Variants in VWC2 observed in about 807,000 individuals in gnomAD.
VWC2 encodes von Willebrand factor C domain containing 2, also known as brorin.
Under a neutral mutation model 29.8 loss-of-function variants are expected in VWC2, and 14 were observed. The ratio of observed to expected loss-of-function variants is 0.47; its 90% confidence interval spans 0.31 to 0.74. The LOEUF (loss-of-function observed/expected upper bound fraction) is 0.74. Among genes scored for constraint, VWC2 ranks in the 30% least tolerant of loss-of-function variants. VWC2 has a pLI of 0.05. For missense variants in VWC2, 457 were observed against 459.8 expected (o/e 0.99, Z 0.05); for synonymous variants, 213 against 199.0 (o/e 1.07, Z -0.59).
At chr7:49,910,127 A>G (rs1456193463) in intron 3 of VWC2, among the ~76,000 whole-genome samples, 1 of 152,058 alleles carries the variant, frequency 6.6e-6, no homozygotes, top group East Asian at 1.9e-4. Flanking sequence ...CAAAACAAAC[A>G]AAAAAGAAAA....
chr7:49,842,908 T>G (rs990439764), intron 3 of VWC2, among the ~76,000 whole-genome samples: 1 of 152,236 alleles, frequency 6.6e-6, no homozygotes, highest in Non-Finnish European at 1.5e-5. Context: ...TTCCAACTTT[T>G]ATTTTTAGAT....
At chr7:49,908,641 G>A (rs572183713) in intron 3 of VWC2, among the ~76,000 whole-genome samples, 5 of 151,740 alleles carry the variant, frequency 3.3e-5, no homozygotes, top group Non-Finnish European at 5.9e-5. Context: ...TATACTACAC[G>A]TGATAGCCAG....
chr7:49,845,340 C>T (rs1583667185), intron 3 of VWC2, among the ~76,000 whole-genome samples: 1 of 152,256 alleles, frequency 6.6e-6, no homozygotes, highest in East Asian at 1.9e-4. Flanking sequence ...CTCTAGGACT[C>T]TATCCATCTG....
chr7:49,827,223 T>A (rs113277888), intron 3 of VWC2, among the ~76,000 whole-genome samples: 4 of 152,088 alleles, frequency 2.6e-5, no homozygotes, highest in Non-Finnish European at 5.9e-5. Context: ...TAAGTACTTT[T>A]CTGTATTCTC....
chr7:49,782,949 C>G (rs995715102), intron 2 of VWC2, among the ~76,000 whole-genome samples: 1 of 152,114 alleles, frequency 6.6e-6, no homozygotes, highest in African/African-American at 2.4e-5. Flanking sequence ...GCAATTTGAA[C>G]CTGTAAAGCT....
rs556244380 is a variant in VWC2 at position 49,786,183 on chromosome 7, G to A, written c.696+10052G>A. ...CAGTGTCTATTGTTCCCATCTTTGTGTACATAAGTGCCCAATGTTTAGCTT... is the reference window on the plus strand; with the variant it reads ...CAGTGTCTATTGTTCCCATCTTTGTATACATAAGTGCCCAATGTTTAGCTT... On this transcript the variant is annotated intron_variant, in intron 2 of 3. Transcript: ENST00000340652. Among the ~76,000 whole-genome samples the A allele has an allele frequency of 4.6e-5, 7 of 152,216 alleles. No homozygotes were observed. In the East Asian group the frequency reaches 1.2e-3, roughly 25 times the overall value.
At chr7:49,858,463 C>A (rs1790513847) in intron 3 of VWC2, among the ~76,000 whole-genome samples, 1 of 151,044 alleles carries the variant, frequency 6.6e-6, no homozygotes, top group Non-Finnish European at 1.5e-5. Context: ...GGACAAAAAA[C>A]CAAACACCGC....
At chr7:49,888,294 A>C (rs139268980) in intron 3 of VWC2, among the ~76,000 whole-genome samples, 168 of 152,318 alleles carry the variant, frequency 1.1e-3, no homozygotes, top group African/African-American at 3.9e-3. Flanking sequence ...ATTTGTTCAC[A>C]GTAACTTGGT....
intron 3 of VWC2, among the ~76,000 whole-genome samples, chr7:49,806,868 T>A (rs691871): frequency 6.6e-6 from 1 of 151,934 alleles, no homozygotes; most frequent in African/African-American, 2.4e-5. Context: ...TTATGAAAAT[T>A]CTCTGTGATT....
At chr7:49,787,849 C>A (rs1335809374) in intron 2 of VWC2, among the ~76,000 whole-genome samples, 1 of 152,124 alleles carries the variant, frequency 6.6e-6, no homozygotes, top group Non-Finnish European at 1.5e-5. Flanking sequence ...GGCTCCCAGT[C>A]CTCTCCAGGA....
At chr7:49,801,586 A>C (rs1236816841) in intron 2 of VWC2, among the ~76,000 whole-genome samples, 1 of 152,216 alleles carries the variant, frequency 6.6e-6, no homozygotes, top group Non-Finnish European at 1.5e-5. Flanking sequence ...TCAAGAAGGC[A>C]GAGTATGAGC....
intron 3 of VWC2, among the ~76,000 whole-genome samples, chr7:49,856,969 C>T (rs998426745): frequency 1.7e-5 from 2 of 121,126 alleles, no homozygotes; most frequent in Admixed American, 1.1e-4. Flanking sequence ...GAGATCGGGC[C>T]ACTGCACTCC....
chr7:49,822,708 G>A (rs796644172), intron 3 of VWC2, among the ~76,000 whole-genome samples: 6 of 152,262 alleles, frequency 3.9e-5, no homozygotes, highest in African/African-American at 1.2e-4. Context: ...CAAAGTGCTC[G>A]GATTATCACT....
At chr7:49,879,180 CTATAGTT>C (rs1307962722) in intron 3 of VWC2, among the ~76,000 whole-genome samples, 1 of 152,090 alleles carries the variant, frequency 6.6e-6, no homozygotes, top group South Asian at 2.1e-4. Flanking sequence ...ACTTGATTCT[CTATAGTT>C]TTCAGTTCTC....
At position 49,920,002 on chromosome 7, in the gene VWC2, A is replaced by G. The variant is rs1204909387; in HGVS notation, c.*7817A>G. The G allele has an allele frequency of 6.6e-6, 1 of 152,236 alleles. No homozygotes were observed. The highest frequency in any genetic ancestry group is 1.5e-5 in the Non-Finnish European group (1 of 68,042). The allele number at this position is 152,236 out of a possible 1,614,324, so 9.4% of individuals were successfully genotyped here. ...AAAATTGTGCCTTCTATTGAAGCCA[A>G]GAAAGTAAATGTCTTTAAAATAAAC... On this transcript the variant is annotated 3_prime_UTR_variant, in exon 4 of 4. Coordinates refer to ENST00000340652, the MANE Select transcript of VWC2 (RefSeq NM_198570.5).
In VWC2 at chr7:49,916,117, T is replaced by A. The variant is rs1029581228; in HGVS notation, c.*3932T>A. The A allele has an allele frequency of 6.6e-6, 1 of 152,234 alleles. No homozygotes were observed. The highest frequency in any genetic ancestry group is 2.4e-5 in the African/African-American group (1 of 41,460). 9.4% of individuals were successfully genotyped at this position (152,234 alleles called of 1,614,324 possible). A position where few individuals can be genotyped will look rare whatever the true frequency, so the allele number is the denominator to read the frequency against. Reference sequence around the variant, plus strand: ...GCACAGATTAAACAGCCTACTTATGTCATATCCTCACTTCACACCAACTTC... The same window carrying A: ...GCACAGATTAAACAGCCTACTTATGACATATCCTCACTTCACACCAACTTC... On this transcript the variant is annotated 3_prime_UTR_variant, in exon 4 of 4. Coordinates refer to ENST00000340652, the MANE Select transcript of VWC2 (RefSeq NM_198570.5).
chr7:49,837,204 A>G (rs36125770), intron 3 of VWC2, among the ~76,000 whole-genome samples: 3,612 of 152,302 alleles, frequency 0.024, 346 homozygotes, highest in Admixed American at 0.17. Flanking sequence ...GTGATATTCA[A>G]TGAGGGAATA....
intron 3 of VWC2, among the ~76,000 whole-genome samples, chr7:49,905,713 T>C (rs1399452793): frequency 1.3e-5 from 2 of 152,186 alleles, no homozygotes; most frequent in Non-Finnish European, 2.9e-5. Context: ...TGAGACCTAC[T>C]GGGCTGCATT....
At chr7:49,794,491 T>G (rs1401230257) in intron 2 of VWC2, among the ~76,000 whole-genome samples, 1 of 152,182 alleles carries the variant, frequency 6.6e-6, no homozygotes, top group Non-Finnish European at 1.5e-5. Context: ...CTTTGGCCCT[T>G]GTAATAGACA....
Sources: gnomAD v4.1 joint callset for allele counts (sites outside exome capture counted in the v4.1 genomes callset) on GRCh38, gnomAD v4.1.1 for gene constraint, MANE v1.5 for transcripts, NCBI Gene and HGNC (gene_info 2026-07-23, HGNC 2026-07-21) for gene names.